DICER1: variants seen among roughly 807,000 people sequenced by gnomAD.
DICER1 encodes endoribonuclease Dicer.
A neutral mutation model predicts 194.1 loss-of-function variants in DICER1; 43 were observed. The ratio of observed to expected loss-of-function variants is 0.22; its 90% CI spans 0.17 to 0.29. The LOEUF is 0.29. DICER1 is among the 10% of genes least tolerant of loss of function. The pLI is 1.00. For synonymous variants in DICER1, 832 were observed against 820.5 expected, an observed-to-expected ratio of 1.01 and a Z score of -0.24; for missense variants, 1,608 against 2,317.0, an observed-to-expected ratio of 0.69 and a Z score of 6.28.
rs73329781 is a variant in DICER1, at chr14:95,108,700, G to A, written c.2257-197C>T. Among the ~76,000 whole-genome samples the A allele has an allele frequency of 0.071, 10,805 of 152,196 alleles. 1,308 individuals carry two copies. The highest frequency in any genetic ancestry group is 0.25 in the African/African-American group (10,228 of 41,482). ...CGGATCTCAGGACAGGGCTGCTGAC[G>A]GTGGCCCAAGTTCACATACATTATA... On this transcript the variant is annotated intron_variant, in intron 14 of 26. Transcript: ENST00000343455.
intron 22 of DICER1, among the ~76,000 whole-genome samples, chr14:95,097,239 T>A (rs986633750): frequency 6.6e-6 from 1 of 152,218 alleles, no homozygotes; most frequent in Non-Finnish European, 1.5e-5. Flanking sequence ...TTTTTTAAAA[T>A]GTACAATAGG....
At chr14:95,125,822 GAGGAAAAAAAGAC>G (rs1893403244) in intron 7 of DICER1, among the ~76,000 whole-genome samples, 1 of 146,212 alleles carries the variant, frequency 6.8e-6, no homozygotes, top group Non-Finnish European at 1.5e-5. Flanking sequence ...GAGAGAGAGA[GAGGAAAAAAAGAC>G]AGGAAAGAAA....
In DICER1 at chr14:95,095,895, G is replaced by A. The variant is rs1555367516; in HGVS notation, c.5025C>T (p.Tyr1675=). 1 of 1,614,160 alleles carries A rather than the reference G, an allele frequency of 6.2e-7. No homozygotes were observed. Among genetic ancestry groups the A allele is most frequent in the Non-Finnish European group, 8.5e-7 (1 of 1,180,002 alleles). ...GFENFEKKIN[Y]RFKNKAYLLQ... is the part of the protein sequence containing the mutation. Reference sequence around the variant, plus strand: ...GAAGGTAAGCCTTATTCTTGAATCTGTAGTTGATTTTCTTTTCAAAATTTT... The same window carrying A: ...GAAGGTAAGCCTTATTCTTGAATCTATAGTTGATTTTCTTTTCAAAATTTT... Residue 1675 remains tyrosine (Y), a synonymous_variant, in exon 23 of 27, where the codon TAC becomes TAT. Coordinates refer to ENST00000343455, the MANE Select transcript of DICER1 (RefSeq NM_177438.3).
At position 95,107,860 on chromosome 14, in the gene DICER1, G is replaced by GT. The variant is rs1224093743; in HGVS notation, c.2650+19dup. 1 of 1,610,194 alleles carries GT rather than the reference G, an allele frequency of 6.2e-7. No individual in the cohort carries two copies. Among genetic ancestry groups the GT allele is most frequent in the South Asian group, 1.1e-5 (1 of 90,992 alleles). ...TGTATATGTGTCTAGAGTTATCAAA[G>GT]TAAGAGATTTTTTTCTTACCAACAT... On this transcript the variant is annotated intron_variant, in intron 16 of 26. Transcript: ENST00000343455.
At chr14:95,104,646 A>G (rs1323338160) in intron 20 of DICER1, among the ~76,000 whole-genome samples, 1 of 152,210 alleles carries the variant, frequency 6.6e-6, no homozygotes, top group Non-Finnish European at 1.5e-5. Flanking sequence ...AATTCCTTCA[A>G]TCCCTAGAAC....
intron 6 of DICER1, 133 bp downstream of exon 6, chr14:95,129,339 C>T (rs1893747667): frequency 1.2e-6 from 1 of 803,476 alleles, no homozygotes; most frequent in South Asian, 1.5e-5. Context: ...AGAATTCTTA[C>T]TCTTGCCCAT....
chr14:95,148,668 C>A (rs1257350555), intron 1 of DICER1, among the ~76,000 whole-genome samples: 1 of 152,182 alleles, frequency 6.6e-6, no homozygotes, highest in Admixed American at 6.5e-5. Flanking sequence ...ACCATCTTAA[C>A]AAATTCCACC....
chr14:95,156,208 G>C (rs915810226), intron 1 of DICER1, among the ~76,000 whole-genome samples: 6 of 152,166 alleles, frequency 3.9e-5, no homozygotes, highest in Admixed American at 1.3e-4. Context: ...TCCACTGTTT[G>C]AAAACAAGCA....
chr14:95,147,769 C>T (rs944063547), intron 1 of DICER1, among the ~76,000 whole-genome samples: 3 of 152,152 alleles, frequency 2.0e-5, no homozygotes, highest in Admixed American at 2.0e-4. Flanking sequence ...CAATTGCAAA[C>T]CTCAGGTTAT....
intron 1 of DICER1, among the ~76,000 whole-genome samples, chr14:95,133,887 T>C (rs1180077630): frequency 6.6e-6 from 1 of 152,256 alleles, no homozygotes. Flanking sequence ...AGCACATATC[T>C]GTAGTTCCTG....
chr14:95,136,721 A>G (rs1323314343), intron 1 of DICER1: 2 of 152,206 alleles, frequency 1.3e-5, no homozygotes, highest in African/African-American at 2.4e-5. Context: ...TTTCCCTCTA[A>G]AGATGACTCA....
At position 95,096,716 on chromosome 14, in the gene DICER1, G is replaced by A. The variant is rs376041812; in HGVS notation, c.4207-3C>T. ...TTCGCCAGCATGCAGTCTTTTGTCT[G>A]AAACGAGGGGGAATGGGGAAGGAGG... On this transcript the variant is annotated splice_polypyrimidine_tract_variant and splice_region_variant and intron_variant, in intron 22 of 26. Transcript: ENST00000343455. 381 of 1,599,008 alleles carry A rather than the reference G, an allele frequency of 2.4e-4. No individual in the cohort carries two copies. Among genetic ancestry groups the A allele is most frequent in the Non-Finnish European group, 3.1e-4 (369 of 1,172,056 alleles).
At chr14:95,093,549 C>T (rs1324090568) in intron 24 of DICER1, among the ~76,000 whole-genome samples, 1 of 152,206 alleles carries the variant, frequency 6.6e-6, no homozygotes, top group African/African-American at 2.4e-5. Flanking sequence ...TGGGCTTTTA[C>T]TAAAGCTAAA....
intron 1 of DICER1, among the ~76,000 whole-genome samples, chr14:95,146,813 G>C (rs1466579950): frequency 6.6e-6 from 1 of 152,150 alleles, no homozygotes; most frequent in Non-Finnish European, 1.5e-5. Context: ...GAAAAATCCT[G>C]TGTAAATGGC....
Position 95,107,965 on chromosome 14 carries a change from T to C in DICER1, c.2565A>G (p.Ser855=), listed in dbSNP as rs752565186. The change falls in exon 16 of 27, where the codon TCA becomes TCG. Residue 855 remains serine (S), a synonymous_variant. Transcript: ENST00000343455. ...CAGGTTTTTCAAGCCGAAGAATATGTGAGAATATATACTGGTGAAGTCTTG... is the reference window on the plus strand; with the variant it reads ...CAGGTTTTTCAAGCCGAAGAATATGCGAGAATATATACTGGTGAAGTCTTG... The part of the protein sequence containing the change: ...LITRLHQYIF[S]HILRLEKPAL... 4.8e-5 allele frequency: 78 copies of C among 1,613,506 alleles called. No homozygotes were observed. Among genetic ancestry groups the C allele is most frequent in the Non-Finnish European group, 6.4e-5 (75 of 1,179,580 alleles).
chr14:95,109,126 A>G (rs1891725740), intron 14 of DICER1, among the ~76,000 whole-genome samples: 1 of 152,216 alleles, frequency 6.6e-6, no homozygotes. Context: ...TGTAAAGAGA[A>G]TATCTGTCCG....
Position 95,105,938 on chromosome 14 carries a change from T to C in DICER1, c.2987+103A>G. On this transcript the variant is annotated intron_variant, in intron 18 of 26. Transcript: ENST00000343455. This position sits in a 1 kb window ranked among gnomAD's most constrained non-coding sequence, Gnocchi z 4.9. ...GTGCAAAGCATCTCCTGATTTCAGA[T>C]AGTCCACGGGTGGGCAGGGGGACAG... is the stretch of plus-strand genomic sequence containing the variant. 1 of 1,438,456 alleles carries C rather than the reference T, an allele frequency of 7.0e-7. No homozygotes were observed. Among genetic ancestry groups the C allele is most frequent in the Non-Finnish European group, 9.8e-7 (1 of 1,020,854 alleles). 89.1% of individuals were successfully genotyped at this position (1,438,456 alleles called of 1,614,324 possible).
In DICER1 at chr14:95,090,171, C is replaced by CAAAA; in HGVS notation, c.*323_*326dup. 2.8e-6 allele frequency: 1 copy of CAAAA among 352,520 alleles called. No homozygotes were observed. The highest frequency in any genetic ancestry group is 5.2e-6 in the Non-Finnish European group (1 of 192,664). 21.8% of individuals were successfully genotyped at this position (352,520 alleles called of 1,614,324 possible). ...ACACTAAGCAAAGCTGACATAAACTCAAAAAAAAAAAAACAAAACCTGTCA... is the reference window on the plus strand; with the variant it reads ...ACACTAAGCAAAGCTGACATAAACTCAAAAAAAAAAAAAAAAACAAAACCTGTCA... On this transcript the variant is annotated 3_prime_UTR_variant, in exon 27 of 27. Coordinates refer to ENST00000343455, the MANE Select transcript of DICER1 (RefSeq NM_177438.3).
At chr14:95,115,223 C>T (rs1892330350) in intron 11 of DICER1, among the ~76,000 whole-genome samples, 1 of 152,174 alleles carries the variant, frequency 6.6e-6, no homozygotes, top group Admixed American at 6.5e-5. Context: ...AATGCATTTG[C>T]TGTTCTTAGC....
Sources: allele counts gnomAD v4.1 joint callset (sites outside exome capture counted in the v4.1 genomes callset), GRCh38; gene constraint gnomAD v4.1.1; non-coding constraint Gnocchi (gnomAD v3.1); transcripts MANE v1.5; gene names NCBI Gene and HGNC (gene_info 2026-07-23, HGNC 2026-07-21).